Variants in WDR17 observed in about 807,000 individuals in gnomAD.
The protein encoded by WDR17 is WD repeat-containing protein 17.
WDR17 carries 143 observed loss-of-function variants against 161.7 expected under a neutral mutation model. That is an observed-to-expected ratio of 0.88 (90% CI 0.77 to 1.02). WDR17 has a LOEUF of 1.02. Ranked by LOEUF, WDR17 falls within the 50% of genes least tolerant of loss-of-function variation. The pLI is 0.00. For synonymous variants in WDR17, 517 were observed against 515.6 expected (o/e 1.00, Z -0.04); for missense variants, 1,469 against 1,520.9 (o/e 0.97, Z 0.57).
At chr4:176,153,548 G>A (rs1337889268) in intron 17 of WDR17, among the ~76,000 whole-genome samples, 1 of 152,122 alleles carries the variant, frequency 6.6e-6, no homozygotes, top group Non-Finnish European at 1.5e-5. Flanking sequence ...TTCTGTATAT[G>A]CATTTTAGTT....
intron 22 of WDR17, among the ~76,000 whole-genome samples, chr4:176,167,994 A>G (rs1177289524): frequency 6.6e-6 from 1 of 151,644 alleles, no homozygotes; most frequent in Non-Finnish European, 1.5e-5. Context: ...TAAAAATACA[A>G]AAATTGCCCG....
In WDR17 at chr4:176,168,339, T is replaced by G. The variant is rs115210739; in HGVS notation, c.2991-333T>G. Among the ~76,000 whole-genome samples the G allele has an allele frequency of 5.4e-3, 828 of 152,300 alleles. 6 individuals carry two copies. Among genetic ancestry groups the G allele is most frequent in the African/African-American group, 0.019 (775 of 41,568 alleles). ...GAGAGTTAACTTTCACAATGTTTGC[T>G]TTATAATTCACTCCAAAGAACATAT... is the stretch of plus-strand genomic sequence containing the variant. On this transcript the variant is annotated intron_variant, in intron 22 of 28. Coordinates refer to ENST00000508596, the MANE Select transcript of WDR17 (RefSeq NM_181265.4).
intron 18 of WDR17, 25 bp from the exon 19 acceptor site, chr4:176,159,969 T>TA (rs768762247): frequency 2.6e-6 from 4 of 1,556,144 alleles, no homozygotes; most frequent in African/African-American, 1.4e-5. Flanking sequence ...ATATATTGTT[T>TA]AAAAAACTGT....
chr4:176,140,201 C>T (rs1430288032), intron 10 of WDR17, among the ~76,000 whole-genome samples: 1 of 152,026 alleles, frequency 6.6e-6, no homozygotes, highest in Non-Finnish European at 1.5e-5. Flanking sequence ...CAATTGCTTT[C>T]TCAATGAAAA....
chr4:176,169,400 T>G (rs1750369507), intron 23 of WDR17, among the ~76,000 whole-genome samples: 1 of 152,166 alleles, frequency 6.6e-6, no homozygotes, highest in Non-Finnish European at 1.5e-5. Context: ...TTAAAAATCA[T>G]GAAGCTCTAT....
intron 28 of WDR17, 141 bp downstream of exon 28, chr4:176,177,795 C>A: frequency 1.4e-6 from 1 of 739,410 alleles, no homozygotes; most frequent in Non-Finnish European, 2.1e-6. Flanking sequence ...ACCTCTAGTG[C>A]TTCCATAGTT....
At chr4:176,111,258 T>A (rs974889918) in intron 1 of WDR17, 1 of 171,782 alleles carries the variant, frequency 5.8e-6, no homozygotes, top group Non-Finnish European at 1.2e-5. Flanking sequence ...GTGATACTAT[T>A]AATATAGCAT....
Position 176,181,898 on chromosome 4 carries a change from A to C in WDR17, c.*2319A>C, listed in dbSNP as rs1258306664. 1 of 152,126 alleles carries C rather than the reference A, an allele frequency of 6.6e-6. No homozygotes were observed. The highest frequency in any genetic ancestry group is 1.5e-5 in the Non-Finnish European group (1 of 67,984). The allele number at this position is 152,126 out of a possible 1,614,324, so 9.4% of individuals were successfully genotyped here. A position where few individuals can be genotyped will look rare whatever the true frequency, so the allele number is the denominator to read the frequency against. On this transcript the variant is annotated 3_prime_UTR_variant, in exon 29 of 29. Coordinates refer to ENST00000508596, the MANE Select transcript of WDR17 (RefSeq NM_181265.4). ...CCACCCAATTTCTGTCTGAAATCTA[A>C]ATTGGATGGATTTGACCATCATTCT...
In WDR17 at chr4:176,149,012, A is replaced by C. The variant is rs144464791; in HGVS notation, c.1897+677A>C. Among the ~76,000 whole-genome samples, 3 of 152,298 alleles carry C rather than the reference A, an allele frequency of 2.0e-5. No homozygotes were observed. The East Asian group carries it at 5.8e-4, about 29-fold the overall frequency. On this transcript the variant is annotated intron_variant, in intron 13 of 28. Transcript: ENST00000508596. Reference sequence around the variant, plus strand: ...ATATGCTTGATCACAATGGCCTTTTAGCCAAGGCAATGCGGGACTGAGTGT... The same window carrying C: ...ATATGCTTGATCACAATGGCCTTTTCGCCAAGGCAATGCGGGACTGAGTGT...
intron 1 of WDR17, among the ~76,000 whole-genome samples, chr4:176,069,686 G>A (rs1260351040): frequency 6.6e-6 from 1 of 151,958 alleles, no homozygotes; most frequent in Non-Finnish European, 1.5e-5. Context: ...CAGTGTCCCA[G>A]GCAGACTCAT....
rs1339662851 is a variant in WDR17, at chr4:176,137,500, C to T, written c.1268-20C>T. 3 of 1,573,402 alleles carry T rather than the reference C, an allele frequency of 1.9e-6. No homozygotes were observed. Among genetic ancestry groups the T allele is most frequent in the South Asian group, 1.1e-5 (1 of 88,254 alleles). ...TTGTGGGAAACATTTAGTATAATGT[C>T]TAACAAATTGTTTCCTAAGGTGGTT... is the stretch of plus-strand genomic sequence containing the variant. On this transcript the variant is annotated intron_variant, in intron 8 of 28. Transcript: ENST00000508596.
chr4:176,111,659 G>A lies in WDR17; in HGVS notation c.79G>A (p.Asp27Asn). 1.2e-6 allele frequency: 2 copies of A among 1,610,520 alleles called. No homozygotes were observed. Among genetic ancestry groups the A allele is most frequent in the Non-Finnish European group, 1.7e-6 (2 of 1,177,742 alleles). The change falls in exon 2 of 29, where the codon GAC (aspartate) becomes AAC (asparagine). Residue 27 changes from aspartate (D) to asparagine (N), a missense_variant. Coordinates refer to ENST00000508596, the MANE Select transcript of WDR17 (RefSeq NM_181265.4). ...WNKDVCAASG[D>N]RFAYCATLAI... ...CAAGGATGTATGTGCTGCCAGTGGA[G>A]ACAGGTTTGCATATTGTGCGACCCT...
chr4:176,076,214 A>AT (rs1561066263), intron 1 of WDR17, among the ~76,000 whole-genome samples: 130 of 62,252 alleles, frequency 2.1e-3, no homozygotes, highest in Non-Finnish European at 3.5e-3. Context: ...TTACATATAT[A>AT]ATATATATAT....
In WDR17 at chr4:176,148,233, T is replaced by C; in HGVS notation, c.1795T>C (p.Tyr599His). 2.5e-6 allele frequency: 4 copies of C among 1,613,770 alleles called. No homozygotes were observed. Among genetic ancestry groups the C allele is most frequent in the Non-Finnish European group, 3.4e-6 (4 of 1,179,698 alleles). Residue 599 changes from tyrosine to histidine, a missense_variant, in exon 13 of 29, where the codon TAT becomes CAT. Transcript: ENST00000508596. ...RGLMWNTEIP[Y>H]LLISGSWDYT... is the part of the protein sequence containing the mutation. ...ATTAATGTGGAATACTGAGATTCCA[T>C]ATCTGCTCATATCTGGCAGCTGGGA...
chr4:176,115,930 T>C lies in WDR17; in HGVS notation c.258T>C (p.Ile86=), dbSNP rs142640730. The change falls in exon 3 of 29, where the codon ATT becomes ATC. Residue 86 remains isoleucine, a synonymous_variant. Transcript: ENST00000508596. ...ASGSTDNLVI[I]WNVAEQKVIA... is the part of the protein sequence containing the mutation. ...GCAGTACTGATAATTTAGTGATCAT[T>C]TGGAATGTTGCAGAACAAAAAGTCA... The C allele has an allele frequency of 2.0e-5, 32 of 1,610,242 alleles. No homozygotes were observed. The African/African-American group carries it at 2.8e-4, about 14-fold the overall frequency.
In WDR17 at chr4:176,174,735, C is replaced by A; in HGVS notation, c.3449+17C>A. The A allele has an allele frequency of 6.4e-7, 1 of 1,560,650 alleles. No individual in the cohort carries two copies. The highest frequency in any genetic ancestry group is 8.8e-7 in the Non-Finnish European group (1 of 1,140,236). On this transcript the variant is annotated intron_variant, in intron 26 of 28. Transcript: ENST00000508596. Reference sequence around the variant, plus strand: ...GTACACAAGGTAAAAAAGGTTTTTTCCTCCATCATGACATTAGAGCAATTT... The same window carrying A: ...GTACACAAGGTAAAAAAGGTTTTTTACTCCATCATGACATTAGAGCAATTT...
intron 1 of WDR17, among the ~76,000 whole-genome samples, chr4:176,099,572 C>A (rs1159450803): frequency 6.6e-6 from 1 of 152,022 alleles, no homozygotes; most frequent in Admixed American, 6.6e-5. Flanking sequence ...GCATTCTGTT[C>A]TTTATTTTTA....
intron 13 of WDR17, 144 bp downstream of exon 13, chr4:176,148,479 T>C: frequency 2.7e-6 from 2 of 736,600 alleles, no homozygotes; most frequent in Non-Finnish European, 4.3e-6. Flanking sequence ...AATATACACG[T>C]TTATTATTAT....
rs10014587 is a variant in WDR17, at chr4:176,172,117, A to G, written c.3103-258A>G. Among the ~76,000 whole-genome samples, 1,309 of 152,280 alleles carry G rather than the reference A, an allele frequency of 8.6e-3. 29 individuals carry two copies. Among genetic ancestry groups the G allele is most frequent in the African/African-American group, 0.029 (1,208 of 41,560 alleles). On this transcript the variant is annotated intron_variant, in intron 23 of 28. Transcript: ENST00000508596. ...TCCAGTATCACAATCAGGACAATTT[A>G]CTTCTATTTCTTTTATTAGGTATTT...
Sources: gnomAD v4.1 joint callset for allele counts (sites outside exome capture counted in the v4.1 genomes callset) on GRCh38, gnomAD v4.1.1 for gene constraint, MANE v1.5 for transcripts, NCBI Gene and HGNC (gene_info 2026-07-23, HGNC 2026-07-21) for gene names.